MAF: variants seen among roughly 807,000 people sequenced by gnomAD.
MAF encodes the protein transcription factor Maf.
Under a neutral mutation model 22.0 loss-of-function variants are expected in MAF, and 10 were observed. The observed-to-expected ratio is 0.45, with a 90% CI of 0.28 to 0.77. The LOEUF (loss-of-function observed/expected upper bound fraction) is 0.77. MAF is among the 30% of genes least tolerant of loss of function. The pLI, the probability that MAF is intolerant of heterozygous loss-of-function variation, is 0.12. For missense variants in MAF, 544 were observed against 548.4 expected, an observed-to-expected ratio of 0.99 and a Z score of 0.08; for synonymous variants, 337 against 255.8, an observed-to-expected ratio of 1.32 and a Z score of -3.03.
chr16:79,543,690 C>CTT, the MAF span, among the ~76,000 whole-genome samples: 72 of 116,648 alleles, frequency 6.2e-4, 1 homozygote, highest in South Asian at 0.017. Context: ...TTTTTTTTTT[C>CTT]TTTTTTTTTT....
chr16:79,553,263 G>T, the MAF span, among the ~76,000 whole-genome samples: 185 of 152,342 alleles, frequency 1.2e-3, 1 homozygote, highest in Non-Finnish European at 1.2e-3. Context: ...GAAGGCCTTG[G>T]CCATTGCCAC....
At chr16:79,313,003 A>G in the MAF span, among the ~76,000 whole-genome samples, 1 of 152,228 alleles carries the variant, frequency 6.6e-6, no homozygotes, top group South Asian at 2.1e-4. Context: ...TGCAATTAAA[A>G]GCATGGGCTT....
chr16:79,495,004 T>C, the MAF span, among the ~76,000 whole-genome samples: 1 of 152,150 alleles, frequency 6.6e-6, no homozygotes, highest in Non-Finnish European at 1.5e-5. Flanking sequence ...GTATGGTGAG[T>C]AGGGTATGGA....
At chr16:79,383,785 T>C in the MAF span, among the ~76,000 whole-genome samples, 2 of 152,122 alleles carry the variant, frequency 1.3e-5, no homozygotes, top group African/African-American at 2.4e-5. Context: ...AAACCTGCAG[T>C]TGGTATGAGA....
chr16:79,221,724 T>C, the MAF span, among the ~76,000 whole-genome samples: 3 of 152,090 alleles, frequency 2.0e-5, no homozygotes, highest in African/African-American at 7.2e-5. Flanking sequence ...TATGTGTGTG[T>C]GTGCACGTGT....
At chr16:79,340,298 C>A in the MAF span, among the ~76,000 whole-genome samples, 1 of 151,856 alleles carries the variant, frequency 6.6e-6, no homozygotes, top group African/African-American at 2.4e-5. Flanking sequence ...CAAAAAGATG[C>A]CTTGTTATTA....
the MAF span, among the ~76,000 whole-genome samples, chr16:79,274,723 G>A: frequency 6.6e-6 from 1 of 152,166 alleles, no homozygotes; most frequent in Admixed American, 6.5e-5. Context: ...CCTACCCTCT[G>A]CCAAGTCAGG....
At chr16:79,418,601 C>T in the MAF span, among the ~76,000 whole-genome samples, 14 of 152,132 alleles carry the variant, frequency 9.2e-5, no homozygotes, top group Non-Finnish European at 2.1e-4. Context: ...GGCGTGCTCA[C>T]TCTAGGTATG....
chr16:79,543,939 G>T, the MAF span, among the ~76,000 whole-genome samples: 1 of 151,836 alleles, frequency 6.6e-6, no homozygotes, highest in Non-Finnish European at 1.5e-5. Context: ...ACCCGCCTCG[G>T]CCTCCCAAAG....
At chr16:79,581,029 A>T (rs1912484427), downstream of MAF, among the ~76,000 whole-genome samples, 1 of 152,154 alleles carries the variant, frequency 6.6e-6, no homozygotes, top group South Asian at 2.1e-4. Context: ...CTGCTGAGAG[A>T]AGAGAGATGC....
the MAF span, among the ~76,000 whole-genome samples, chr16:79,528,229 C>A: frequency 6.6e-6 from 1 of 152,176 alleles, no homozygotes; most frequent in Non-Finnish European, 1.5e-5. Context: ...TCTTTAGTTT[C>A]TTGGCCATGT....
chr16:79,210,558 T>A, the MAF span, among the ~76,000 whole-genome samples: 1 of 152,186 alleles, frequency 6.6e-6, no homozygotes, highest in Non-Finnish European at 1.5e-5. Flanking sequence ...CGGTCCTCTC[T>A]TGCAACCCCT....
the MAF span, among the ~76,000 whole-genome samples, chr16:79,269,204 T>A: frequency 6.6e-6 from 1 of 152,156 alleles, no homozygotes; most frequent in African/African-American, 2.4e-5. Context: ...CAACGTGGAA[T>A]GGAAGCTGGA....
At chr16:79,416,969 C>A in the MAF span, among the ~76,000 whole-genome samples, 8 of 152,268 alleles carry the variant, frequency 5.3e-5, no homozygotes, top group African/African-American at 1.9e-4. Context: ...CACCAGCACA[C>A]CAGCTTTATA....
the MAF span, among the ~76,000 whole-genome samples, chr16:79,302,064 A>ATCC: frequency 2.0e-4 from 30 of 152,156 alleles, no homozygotes; most frequent in South Asian, 1.5e-3. Context: ...GGAGGGCCTG[A>ATCC]CTCTCACCTG....
the MAF span, among the ~76,000 whole-genome samples, chr16:79,390,562 G>A: frequency 6.6e-6 from 1 of 152,150 alleles, no homozygotes; most frequent in East Asian, 1.9e-4. Flanking sequence ...TACACATCAA[G>A]GAACAGACTG....
At chr16:79,401,225 T>C in the MAF span, among the ~76,000 whole-genome samples, 1 of 152,228 alleles carries the variant, frequency 6.6e-6, no homozygotes, top group Non-Finnish European at 1.5e-5. Flanking sequence ...GTGCATTTCT[T>C]GATTTCCTTT....
At chr16:79,424,996 G>A in the MAF span, among the ~76,000 whole-genome samples, 1 of 151,940 alleles carries the variant, frequency 6.6e-6, no homozygotes, top group African/African-American at 2.4e-5. Context: ...ATACTCTGAT[G>A]CTCTTTGCTT....
the MAF span, among the ~76,000 whole-genome samples, chr16:79,410,197 T>C: frequency 2.6e-5 from 4 of 152,256 alleles, no homozygotes; most frequent in Admixed American, 1.3e-4. Flanking sequence ...TTCCGATTTC[T>C]GTACGTCACT....
Sources: gnomAD v4.1 joint callset for allele counts (sites outside exome capture counted in the v4.1 genomes callset) on GRCh38, gnomAD v4.1.1 for gene constraint, MANE v1.5 for transcripts, NCBI Gene and HGNC (gene_info 2026-07-23, HGNC 2026-07-21) for gene names.